Variants in METTL15 observed in about 807,000 individuals in gnomAD.
METTL15 encodes 12S rRNA N(4)-cytidine methyltransferase METTL15.
METTL15 carries 34 observed loss-of-function variants against 38.3 expected under a neutral mutation model. The ratio of observed to expected loss-of-function variants is 0.89; its 90% confidence interval spans 0.68 to 1.18. The LOEUF is 1.18. Ranked by LOEUF, METTL15 falls within the 50% of genes most tolerant of loss-of-function variation. The probability of loss-of-function intolerance (pLI) is 0.00; values close to 1 mark genes in which losing one functional copy is unlikely to be tolerated. For missense variants in METTL15, 438 were observed against 498.4 expected (o/e 0.88, Z 1.15); for synonymous variants, 162 against 170.9 (o/e 0.95, Z 0.41).
In METTL15 at chr11:28,161,107, C is replaced by CTTTTTTTT. The variant is rs10660185; in HGVS notation, c.270+47515_270+47522dup. On this transcript the variant is annotated intron_variant, in intron 3 of 6. Transcript: ENST00000407364. The stretch of plus-strand genomic sequence containing the variant: ...GATATAGTCAGATGTTTGCACCTTC[C>CTTTTTTTT]TTTTTTTTTTTTTTTTTTTGTTTTT... Among the ~76,000 whole-genome samples the CTTTTTTTT allele has an allele frequency of 4.3e-4, 57 of 131,902 alleles. 1 individual carries two copies. Among genetic ancestry groups the CTTTTTTTT allele is most frequent in the African/African-American group, 7.8e-4 (29 of 37,010 alleles). The allele number at this position is 131,902 out of a possible 152,430, so 86.5% of individuals were successfully genotyped here. A position where few individuals can be genotyped will look rare whatever the true frequency, so the allele number is the denominator to read the frequency against.
chr11:28,388,607 A>G (rs533683411), intron 5 of METTL15, among the ~76,000 whole-genome samples: 1 of 152,170 alleles, frequency 6.6e-6, no homozygotes, highest in South Asian at 2.1e-4. Context: ...ACAAGACAAT[A>G]TTGTTAAAAT....
At position 28,296,228 on chromosome 11, in the gene METTL15, G is replaced by T. The variant is rs58466044; in HGVS notation, c.600-525G>T. Among the ~76,000 whole-genome samples the T allele has an allele frequency of 5.0e-3, 767 of 152,214 alleles. 9 individuals are homozygous for T. Among genetic ancestry groups the T allele is most frequent in the African/African-American group, 0.017 (726 of 41,542 alleles). On this transcript the variant is annotated intron_variant, in intron 5 of 6. Coordinates refer to ENST00000407364, the MANE Select transcript of METTL15 (RefSeq NM_001113528.2). ...TGCCATTAAAGTTGTATGAGTTTTT[G>T]TGAGGGAAACTGATCAGCAGTATGT... is the stretch of plus-strand genomic sequence containing the variant.
chr11:28,123,793 C>G (rs1262819848), intron 3 of METTL15: 4 of 1,184,022 alleles, frequency 3.4e-6, no homozygotes, highest in Non-Finnish European at 4.7e-6. Flanking sequence ...TAATAGGTTT[C>G]TATATAATTA....
At chr11:28,494,449 G>A (rs955106979) in intron 6 of METTL15, among the ~76,000 whole-genome samples, 2 of 151,916 alleles carry the variant, frequency 1.3e-5, no homozygotes, top group Admixed American at 6.6e-5. Flanking sequence ...TAGGTGCTGG[G>A]GTCATATGGC....
intron 6 of METTL15, among the ~76,000 whole-genome samples, chr11:28,438,770 G>A (rs1193457639): frequency 6.7e-6 from 1 of 150,324 alleles, no homozygotes; most frequent in African/African-American, 2.5e-5. Flanking sequence ...CGCCTCCCAG[G>A]TTCAAACAAT....
At chr11:28,375,996 C>G (rs1158264771) in intron 5 of METTL15, among the ~76,000 whole-genome samples, 1 of 152,036 alleles carries the variant, frequency 6.6e-6, no homozygotes, top group African/African-American at 2.4e-5. Flanking sequence ...ATTCTTAATC[C>G]TAAGTTTTAG....
At chr11:28,152,178 A>G (rs1850112912) in intron 3 of METTL15, among the ~76,000 whole-genome samples, 1 of 151,868 alleles carries the variant, frequency 6.6e-6, no homozygotes, top group South Asian at 2.1e-4. Flanking sequence ...GAGTTGCCCA[A>G]GATCATGGAG....
rs1398885014 is a variant in METTL15 at position 28,225,253 on chromosome 11, A to G, written c.407+14055A>G. ...TAATACTTTATAGTTTGGCCATTTT[A>G]ATTTATTTCAATGGGCCTACTAGCC... On this transcript the variant is annotated intron_variant, in intron 4 of 6. Coordinates refer to ENST00000407364, the MANE Select transcript of METTL15 (RefSeq NM_001113528.2). 2.0e-5 allele frequency among the ~76,000 whole-genome samples: 3 copies of G among 151,858 alleles called. No individual in the cohort carries two copies. In the East Asian group the frequency reaches 5.8e-4, roughly 29 times the overall value.
intron 3 of METTL15, among the ~76,000 whole-genome samples, chr11:28,349,765 C>A (rs1037409648): frequency 6.6e-6 from 1 of 152,160 alleles, no homozygotes; most frequent in Non-Finnish European, 1.5e-5. Flanking sequence ...AGAAAGTCCT[C>A]GTCAATCTCC....
At chr11:28,185,063 A>G (rs1851444554) in intron 3 of METTL15, among the ~76,000 whole-genome samples, 1 of 151,550 alleles carries the variant, frequency 6.6e-6, no homozygotes, top group Non-Finnish European at 1.5e-5. Context: ...TAAAAATTAT[A>G]AGGTTACTGT....
At chr11:28,282,521 A>G (rs190970033) in intron 4 of METTL15, among the ~76,000 whole-genome samples, 1 of 152,322 alleles carries the variant, frequency 6.6e-6, no homozygotes. Flanking sequence ...TCCTTGCATA[A>G]TGTCTATCAA....
intron 3 of METTL15, among the ~76,000 whole-genome samples, chr11:28,146,640 C>T (rs1849896453): frequency 6.6e-6 from 1 of 151,730 alleles, no homozygotes; most frequent in African/African-American, 2.4e-5. Context: ...TAAAAATATT[C>T]AATACAATAT....
intron 5 of METTL15, among the ~76,000 whole-genome samples, chr11:28,386,006 T>C (rs1850436867): frequency 6.6e-6 from 1 of 151,520 alleles, no homozygotes; most frequent in South Asian, 2.1e-4. Flanking sequence ...ATGACTAGAG[T>C]TTTTGTATCT....
chr11:28,265,434 C>T (rs369248710), intron 4 of METTL15, among the ~76,000 whole-genome samples: 46 of 151,882 alleles, frequency 3.0e-4, no homozygotes, highest in South Asian at 1.0e-3. Context: ...GGTGAGAAAA[C>T]GAAATTGTCA....
At chr11:28,204,180 G>A (rs1199493099) in intron 3 of METTL15, among the ~76,000 whole-genome samples, 1 of 151,980 alleles carries the variant, frequency 6.6e-6, no homozygotes, top group East Asian at 1.9e-4. Context: ...GGGGATTGTA[G>A]AAATCAAGAA....
chr11:28,241,554 A>G (rs980082564), intron 4 of METTL15, among the ~76,000 whole-genome samples: 1 of 151,892 alleles, frequency 6.6e-6, no homozygotes, highest in Non-Finnish European at 1.5e-5. Flanking sequence ...AAAAAAAAAA[A>G]AGAAAACCAG....
chr11:28,381,812 G>T (rs952097786), intron 5 of METTL15, among the ~76,000 whole-genome samples: 7 of 152,028 alleles, frequency 4.6e-5, no homozygotes, highest in African/African-American at 1.7e-4. Flanking sequence ...CTGGTATTTT[G>T]AATTCTTGGT....
At chr11:28,203,731 C>A (rs1303238137) in intron 3 of METTL15, among the ~76,000 whole-genome samples, 1 of 151,954 alleles carries the variant, frequency 6.6e-6, no homozygotes, top group Non-Finnish European at 1.5e-5. Flanking sequence ...ATTTGAAGAA[C>A]ATTGGGGATA....
chr11:28,412,711 A>C (rs183766901), intron 5 of METTL15, among the ~76,000 whole-genome samples: 4 of 152,148 alleles, frequency 2.6e-5, no homozygotes, highest in South Asian at 2.1e-4. Context: ...ACAGGGACAG[A>C]GAATGAAACA....
Sources: allele counts gnomAD v4.1 joint callset (sites outside exome capture counted in the v4.1 genomes callset), GRCh38; gene constraint gnomAD v4.1.1; transcripts MANE v1.5; gene names NCBI Gene and HGNC (gene_info 2026-07-23, HGNC 2026-07-21).